Variants in ANKRD61 observed in about 807,000 individuals in gnomAD.
ANKRD61 encodes the protein ankyrin repeat domain-containing protein 61.
In ANKRD61, 7 loss-of-function variants were observed where a neutral mutation model predicts 8.4. The ratio of observed to expected loss-of-function variants is 0.84; its 90% CI spans 0.48 to 1.57. ANKRD61 has a LOEUF of 1.57. Ranked by LOEUF, ANKRD61 falls within the 40% of genes most tolerant of loss-of-function variation. The probability of loss-of-function intolerance (pLI) is 0.00; values close to 1 mark genes in which losing one functional copy is unlikely to be tolerated. For synonymous variants in ANKRD61, 198 were observed against 208.0 expected (o/e 0.95, Z 0.41); for missense variants, 516 against 523.4 (o/e 0.99, Z 0.14).
chr7:6,035,571 T>C lies in ANKRD61; in HGVS notation c.442T>C (p.Cys148Arg), dbSNP rs1788054039. ...AGACATTCAGAATAGCAGCATCACA[T>C]GTCTCCGCATCTTGTGTGCGCACGG... is the stretch of plus-strand genomic sequence containing the variant. Reference protein sequence around the residue: ...LTDIQNSSITCLRILCAHGAQ... With the variant: ...LTDIQNSSITRLRILCAHGAQ... The change falls in exon 3 of 3, where the codon TGT (cysteine) becomes CGT (arginine). Residue 148 changes from cysteine (C) to arginine (R), a missense_variant. Cys to Arg is a radical substitution (Grantham distance 180, BLOSUM62 -3). Transcript: ENST00000409061. The surrounding 1 kb of genome is among the most constrained non-coding windows in gnomAD (Gnocchi z 5.5). 3 of 1,551,100 alleles carry C rather than the reference T, an allele frequency of 1.9e-6. No individual in the cohort carries two copies. Among genetic ancestry groups the C allele is most frequent in the Non-Finnish European group, 2.6e-6 (3 of 1,147,092 alleles).
chr7:6,031,671 C>A, intron 1 of ANKRD61, 80 bp downstream of exon 1: 5 of 1,371,360 alleles, frequency 3.6e-6, no homozygotes, highest in Non-Finnish European at 4.0e-6. Context: ...CTGGTGAACC[C>A]ACTAAGCTCA....
rs1313057850 is a variant in ANKRD61, at chr7:6,035,076, A to T, written c.315-368A>T. Among the ~76,000 whole-genome samples the T allele has an allele frequency of 3.3e-5, 5 of 152,216 alleles. No individual in the cohort carries two copies. The highest frequency in any genetic ancestry group is 1.5e-5 in the Non-Finnish European group (1 of 68,040). On this transcript the variant is annotated intron_variant, in intron 2 of 2. Coordinates refer to ENST00000409061, the MANE Select transcript of ANKRD61 (RefSeq NM_001271700.2). This position sits in a 1 kb window ranked among gnomAD's most constrained non-coding sequence, Gnocchi z 5.5. ...ACTGTGTGAGGTGCCAGACTGCAGA[A>T]ATCACTAAGATACAGCCTTGAAGGG...
rs1171968842 is a variant in ANKRD61 at position 6,033,873 on chromosome 7, A to G, written c.314+937A>G. The stretch of plus-strand genomic sequence containing the variant: ...CGTGAGCCGCCGTGCCTGGCCGACA[A>G]TGGATTTTCTTGTTTATTACTCTCC... On this transcript the variant is annotated intron_variant, in intron 2 of 2. Transcript: ENST00000409061. This position sits in a 1 kb window ranked among gnomAD's most constrained non-coding sequence, Gnocchi z 4.4. 6.6e-6 allele frequency among the ~76,000 whole-genome samples: 1 copy of G among 151,814 alleles called. No individual in the cohort carries two copies. Among genetic ancestry groups the G allele is most frequent in the East Asian group, 2.0e-4 (1 of 5,116 alleles).
chr7:6,033,816 A>G lies in ANKRD61; in HGVS notation c.314+880A>G, dbSNP rs1045872197. Among the ~76,000 whole-genome samples, 2 of 150,986 alleles carry G rather than the reference A, an allele frequency of 1.3e-5. No homozygotes were observed. The highest frequency in any genetic ancestry group is 3.0e-5 in the Non-Finnish European group (2 of 67,670). On this transcript the variant is annotated intron_variant, in intron 2 of 2. Transcript: ENST00000409061. This position sits in a 1 kb window ranked among gnomAD's most constrained non-coding sequence, Gnocchi z 4.4. ...AATCTCCTGACCTCGTGATCCGTCC[A>G]CCTCAGCCTCCCAAAGTGCTGGGAT...
Position 6,035,392 on chromosome 7 carries a change from G to C in ANKRD61, c.315-52G>C. The C allele has an allele frequency of 2.0e-6, 3 of 1,482,238 alleles. No homozygotes were observed. Among genetic ancestry groups the C allele is most frequent in the Non-Finnish European group, 2.7e-6 (3 of 1,094,190 alleles). 91.8% of individuals were successfully genotyped at this position (1,482,238 alleles called of 1,614,324 possible). A position where few individuals can be genotyped will look rare whatever the true frequency, so the allele number is the denominator to read the frequency against. Reference sequence around the variant, plus strand: ...TTCTTAAGCATTAACTGTCCACGTAGAGCCGTTCCCACTGTGAATTCAGTG... The same window carrying C: ...TTCTTAAGCATTAACTGTCCACGTACAGCCGTTCCCACTGTGAATTCAGTG... On this transcript the variant is annotated intron_variant, in intron 2 of 2. Transcript: ENST00000409061. The surrounding 1 kb of genome is among the most constrained non-coding windows in gnomAD (Gnocchi z 5.5).
Position 6,032,512 on chromosome 7 carries a change from G to C in ANKRD61, c.217-327G>C, listed in dbSNP as rs1027198216. Among the ~76,000 whole-genome samples, 19 of 152,344 alleles carry C rather than the reference G, an allele frequency of 1.2e-4. No individual in the cohort carries two copies. The highest frequency in any genetic ancestry group is 4.6e-4 in the African/African-American group (19 of 41,574). Reference sequence around the variant, plus strand: ...CCCTGTGGGTTAATTTAAGGAATAAGTGACTTCATAGCAAGTACCCTTAAT... The same window carrying C: ...CCCTGTGGGTTAATTTAAGGAATAACTGACTTCATAGCAAGTACCCTTAAT... On this transcript the variant is annotated intron_variant, in intron 1 of 2. Coordinates refer to ENST00000409061, the MANE Select transcript of ANKRD61 (RefSeq NM_001271700.2). The surrounding 1 kb of genome is among the most constrained non-coding windows in gnomAD (Gnocchi z 4.3).
rs911465800 is a variant in ANKRD61 at position 6,035,948 on chromosome 7, C to T, written c.819C>T (p.Ala273=). The T allele has an allele frequency of 6.5e-7, 1 of 1,548,782 alleles. No homozygotes were observed. The highest frequency in any genetic ancestry group is 8.7e-7 in the Non-Finnish European group (1 of 1,145,746). ...TCACTCACGGAGCCAAAGTCAACGC[C>T]CAGGACTACAAGGGCCAAACAGCCA... The part of the protein sequence containing the change: ...LLLTHGAKVN[A]QDYKGQTAIH... Residue 273 remains alanine (A), a synonymous_variant, in exon 3 of 3, where the codon GCC becomes GCT. Coordinates refer to ENST00000409061, the MANE Select transcript of ANKRD61 (RefSeq NM_001271700.2). This position sits in a 1 kb window ranked among gnomAD's most constrained non-coding sequence, Gnocchi z 5.5.
In ANKRD61 at chr7:6,033,188, T is replaced by C. The variant is rs531220967; in HGVS notation, c.314+252T>C. 2.6e-5 allele frequency among the ~76,000 whole-genome samples: 4 copies of C among 152,166 alleles called. No individual in the cohort carries two copies. Among genetic ancestry groups the C allele is most frequent in the South Asian group, 2.1e-4 (1 of 4,816 alleles). On this transcript the variant is annotated intron_variant, in intron 2 of 2. Transcript: ENST00000409061. This position sits in a 1 kb window ranked among gnomAD's most constrained non-coding sequence, Gnocchi z 4.4. ...TTCACCATGTTGGCCAGGCTGGTCT[T>C]GAACTCCTGGCCTCAAGTGATCCAC...
Position 6,033,245 on chromosome 7 carries a change from C to A in ANKRD61, c.314+309C>A, listed in dbSNP as rs1488548333. On this transcript the variant is annotated intron_variant, in intron 2 of 2. Coordinates refer to ENST00000409061, the MANE Select transcript of ANKRD61 (RefSeq NM_001271700.2). This position sits in a 1 kb window ranked among gnomAD's most constrained non-coding sequence, Gnocchi z 4.4. Reference sequence around the variant, plus strand: ...CGGCCTCCCAAAGTGCTGGGATTAACAGCCCTCAGCCACAGCACCCAGCTT... The same window carrying A: ...CGGCCTCCCAAAGTGCTGGGATTAAAAGCCCTCAGCCACAGCACCCAGCTT... Among the ~76,000 whole-genome samples the A allele has an allele frequency of 6.6e-6, 1 of 152,008 alleles. No individual in the cohort carries two copies. Among genetic ancestry groups the A allele is most frequent in the Non-Finnish European group, 1.5e-5 (1 of 67,984 alleles).
Position 6,032,943 on chromosome 7 carries a change from T to A in ANKRD61, c.314+7T>A. ...GTGCTGACCCAGAAGTCAGGTAAGT[T>A]AACTCCACCGAAAATCATTTCTTTT... On this transcript the variant is annotated splice_region_variant and intron_variant, in intron 2 of 2. Coordinates refer to ENST00000409061, the MANE Select transcript of ANKRD61 (RefSeq NM_001271700.2). This position sits in a 1 kb window ranked among gnomAD's most constrained non-coding sequence, Gnocchi z 4.3. The A allele has an allele frequency of 6.5e-7, 1 of 1,546,002 alleles. No individual in the cohort carries two copies. Among genetic ancestry groups the A allele is most frequent in the South Asian group, 1.2e-5 (1 of 83,864 alleles).
Position 6,031,434 on chromosome 7 carries a change from T to C in ANKRD61, c.59T>C (p.Leu20Pro). ...RDLVVDSAKS[L>P]EDGPSAALHS... ...CTGGTGGTTGACAGTGCCAAGTCCCTGGAAGATGGCCCATCTGCAGCACTT... is the reference window on the plus strand; with the variant it reads ...CTGGTGGTTGACAGTGCCAAGTCCCCGGAAGATGGCCCATCTGCAGCACTT... The change falls in exon 1 of 3, where the codon CTG becomes CCG. Residue 20 changes from leucine to proline, a missense_variant. Transcript: ENST00000409061. 1 of 1,550,800 alleles carries C rather than the reference T, an allele frequency of 6.4e-7. No individual in the cohort carries two copies. Among genetic ancestry groups the C allele is most frequent in the Non-Finnish European group, 8.7e-7 (1 of 1,147,034 alleles).
chr7:6,034,032 T>C (rs1018053405), intron 2 of ANKRD61, among the ~76,000 whole-genome samples: 1 of 149,518 alleles, frequency 6.7e-6, no homozygotes, highest in African/African-American at 2.5e-5. Context: ...AATTAAGTAG[T>C]ATAGGCCGGG....
rs937051693 is a variant in ANKRD61, at chr7:6,036,400, A to G, written c.*14A>G. 11 of 1,444,664 alleles carry G rather than the reference A, an allele frequency of 7.6e-6. No individual in the cohort carries two copies. In the African/African-American group the frequency reaches 1.4e-4, roughly 19 times the overall value. 89.5% of individuals were successfully genotyped at this position (1,444,664 alleles called of 1,614,324 possible). A position where few individuals can be genotyped will look rare whatever the true frequency, so the allele number is the denominator to read the frequency against. On this transcript the variant is annotated 3_prime_UTR_variant, in exon 3 of 3. Transcript: ENST00000409061. The surrounding 1 kb of genome is among the most constrained non-coding windows in gnomAD (Gnocchi z 4.6). ...TATACCTCTTGAAATAAGACCTCCC[A>G]GTTTCACAGCAGAGGGACTTTCAGC...
At position 6,036,279 on chromosome 7, in the gene ANKRD61, A is replaced by G. The variant is rs1788090532; in HGVS notation, c.1150A>G (p.Ile384Val). Residue 384 changes from isoleucine to valine, a missense_variant, in exon 3 of 3, where the codon ATC (isoleucine) becomes GTC (valine). Coordinates refer to ENST00000409061, the MANE Select transcript of ANKRD61 (RefSeq NM_001271700.2). The surrounding 1 kb of genome is among the most constrained non-coding windows in gnomAD (Gnocchi z 4.6). ...CCTACAGGGTATCTGCAAAAGAAAC[A>G]TCAGGAATATTTATGGTGAGAAATA... ...LSLQGICKRN[I>V]RNIYGEKYKQ... is the part of the protein sequence containing the mutation. The G allele has an allele frequency of 6.5e-7, 1 of 1,549,742 alleles. No individual in the cohort carries two copies. Among genetic ancestry groups the G allele is most frequent in the Non-Finnish European group, 8.7e-7 (1 of 1,146,816 alleles).
chr7:6,035,935 C>A lies in ANKRD61; in HGVS notation c.806C>A (p.Ala269Asp). The change falls in exon 3 of 3, where the codon GCC (alanine) becomes GAC (aspartate). Residue 269 changes from alanine to aspartate, a missense_variant. Coordinates refer to ENST00000409061, the MANE Select transcript of ANKRD61 (RefSeq NM_001271700.2). This position sits in a 1 kb window ranked among gnomAD's most constrained non-coding sequence, Gnocchi z 5.5. The stretch of plus-strand genomic sequence containing the variant: ...ATCCGTCTGCTACTCACTCACGGAG[C>A]CAAAGTCAACGCCCAGGACTACAAG... The part of the protein sequence containing the change: ...SCIRLLLTHG[A>D]KVNAQDYKGQ... The A allele has an allele frequency of 6.5e-7, 1 of 1,547,338 alleles. No homozygotes were observed. The highest frequency in any genetic ancestry group is 8.7e-7 in the Non-Finnish European group (1 of 1,144,872).
chr7:6,031,864 T>C (rs1037406452), intron 1 of ANKRD61, among the ~76,000 whole-genome samples: 4 of 152,198 alleles, frequency 2.6e-5, no homozygotes, highest in Admixed American at 6.5e-5. Context: ...ATGATCTCCA[T>C]GTGGTCAAAT....
At position 6,031,478 on chromosome 7, in the gene ANKRD61, G is replaced by A; in HGVS notation, c.103G>A (p.Ala35Thr). The change falls in exon 1 of 3, where the codon GCC (alanine) becomes ACC (threonine). Residue 35 changes from alanine (A) to threonine (T), a missense_variant. Transcript: ENST00000409061. ...SAALHSKLYE[A>T]IMREDCTTIE... Reference sequence around the variant, plus strand: ...AGCACTTCACTCGAAACTCTATGAAGCCATCATGAGAGAAGACTGCACTAC... The same window carrying A: ...AGCACTTCACTCGAAACTCTATGAAACCATCATGAGAGAAGACTGCACTAC... 1 of 1,550,702 alleles carries A rather than the reference G, an allele frequency of 6.4e-7. No individual in the cohort carries two copies. The highest frequency in any genetic ancestry group is 8.7e-7 in the Non-Finnish European group (1 of 1,147,028).
chr7:6,035,431 A>G lies in ANKRD61; in HGVS notation c.315-13A>G, dbSNP rs779315940. 9.7e-6 allele frequency: 15 copies of G among 1,545,436 alleles called. No homozygotes were observed. In the Admixed American group the frequency reaches 9.8e-5, roughly 10 times the overall value. ...GTGAATTCAGTGTAACGTGTAATCA[A>G]TACCCATTCTAGGGACACGACAGGC... On this transcript the variant is annotated splice_polypyrimidine_tract_variant and intron_variant, in intron 2 of 2. Transcript: ENST00000409061. This position sits in a 1 kb window ranked among gnomAD's most constrained non-coding sequence, Gnocchi z 5.5.
intron 2 of ANKRD61, among the ~76,000 whole-genome samples, chr7:6,034,656 C>CTAGG (rs1788024918): frequency 6.6e-6 from 1 of 152,338 alleles, no homozygotes; most frequent in African/African-American, 2.4e-5. Flanking sequence ...TATCCATAGC[C>CTAGG]TAGGGCCTCA....
Sources: allele counts gnomAD v4.1 joint callset (sites outside exome capture counted in the v4.1 genomes callset), GRCh38; gene constraint gnomAD v4.1.1; non-coding constraint Gnocchi (gnomAD v3.1); transcripts MANE v1.5; gene names NCBI Gene and HGNC (gene_info 2026-07-23, HGNC 2026-07-21).